Variants in LIN7A observed in about 807,000 individuals in gnomAD.
LIN7A encodes the protein lin-7 cell polarity scaffold A.
Under a neutral mutation model 29.8 loss-of-function variants are expected in LIN7A, and 25 were observed. The ratio of observed to expected loss-of-function variants is 0.84; its 90% CI spans 0.61 to 1.17. LIN7A has a LOEUF of 1.17. Among genes scored for constraint, LIN7A ranks in the 50% most tolerant of loss-of-function variants. The probability of loss-of-function intolerance (pLI) is 0.00; values close to 1 mark genes in which losing one functional copy is unlikely to be tolerated. For synonymous variants in LIN7A, 118 were observed against 107.5 expected (o/e 1.10, Z -0.60); for missense variants, 239 against 287.0 (o/e 0.83, Z 1.21).
At position 80,811,451 on chromosome 12, in the gene LIN7A, A is replaced by C. The variant is rs1375529357; in HGVS notation, c.*14T>G. 1 of 945,184 alleles carries C rather than the reference A, an allele frequency of 1.1e-6. No individual in the cohort carries two copies. The highest frequency in any genetic ancestry group is 1.4e-5 in the South Asian group (1 of 72,380). The allele number at this position is 945,184 out of a possible 1,614,324, so 58.5% of individuals were successfully genotyped here. On this transcript the variant is annotated intron_variant, in intron 5 of 5. Coordinates refer to ENST00000552864, the MANE Select transcript of LIN7A (RefSeq NM_004664.4). ...TATATATATACTCCTTGTATAGAATAAGTCACTTCTCACCTATGACATGTG... is the reference window on the plus strand; with the variant it reads ...TATATATATACTCCTTGTATAGAATCAGTCACTTCTCACCTATGACATGTG...
chr12:80,886,947 C>T (rs559470032), intron 2 of LIN7A, among the ~76,000 whole-genome samples: 2 of 152,190 alleles, frequency 1.3e-5, no homozygotes, highest in African/African-American at 4.8e-5. Context: ...GACCCAACTT[C>T]TCCCCCAGCC....
At chr12:80,923,429 ACTGT>A (rs1399458076) in intron 1 of LIN7A, among the ~76,000 whole-genome samples, 1 of 152,018 alleles carries the variant, frequency 6.6e-6, no homozygotes, top group Non-Finnish European at 1.5e-5. Context: ...TGCCTAATAC[ACTGT>A]CTATGGGTAT....
intron 4 of LIN7A, among the ~76,000 whole-genome samples, chr12:80,821,290 A>G (rs1396564019): frequency 1.3e-5 from 2 of 152,192 alleles, no homozygotes; most frequent in African/African-American, 2.4e-5. Flanking sequence ...TAGCACTGAA[A>G]GTCCCAGGAA....
At chr12:80,829,030 A>G (rs975978357) in intron 4 of LIN7A, among the ~76,000 whole-genome samples, 19 of 152,222 alleles carry the variant, frequency 1.2e-4, no homozygotes, top group Admixed American at 1.3e-4. Flanking sequence ...TTTAAATACA[A>G]TAGCCCAGTA....
intron 4 of LIN7A, among the ~76,000 whole-genome samples, chr12:80,823,544 G>T (rs745509151): frequency 5.8e-4 from 88 of 152,316 alleles, no homozygotes; most frequent in East Asian, 5.8e-4. Flanking sequence ...ATGCTCACTT[G>T]CTCACACACT....
chr12:80,857,159 G>A (rs189184928), intron 2 of LIN7A, among the ~76,000 whole-genome samples: 4 of 152,248 alleles, frequency 2.6e-5, no homozygotes, highest in East Asian at 1.9e-4. Context: ...GCTTGGAGCC[G>A]ATACAGCTAG....
At chr12:80,877,422 T>C (rs1163058743) in intron 2 of LIN7A, among the ~76,000 whole-genome samples, 1 of 152,098 alleles carries the variant, frequency 6.6e-6, no homozygotes, top group Admixed American at 6.6e-5. Flanking sequence ...AAGAGAACAT[T>C]CCCCAAATAT....
chr12:80,937,541 C>T, intron 1 of LIN7A, 100 bp downstream of exon 1: 1 of 836,672 alleles, frequency 1.2e-6, no homozygotes, highest in Non-Finnish European at 1.7e-6. Context: ...CCCTTCTCCT[C>T]CTGCCTGAGC....
chr12:80,811,572 G>A lies in LIN7A; in HGVS notation c.595C>T (p.Arg199Cys), dbSNP rs768577946. 2.5e-6 allele frequency: 4 copies of A among 1,614,058 alleles called. No individual in the cohort carries two copies. The highest frequency in any genetic ancestry group is 1.7e-5 in the Admixed American group (1 of 60,012). ...CTGGCTGTTCGTAGCTTTTCAAAGC[G>A]AGCCTCCATTTCTTCCAGAACTTTT... ...TPKVLEEMEA[R>C]FEKLRTARRR... The change falls in exon 5 of 6, where the codon CGC becomes TGC. Residue 199 changes from arginine (R) to cysteine (C), a missense_variant. Physicochemically the swap from Arg to Cys is radical, Grantham distance 180. Transcript: ENST00000552864.
At chr12:80,813,675 A>G (rs982865225) in intron 4 of LIN7A, among the ~76,000 whole-genome samples, 7 of 152,150 alleles carry the variant, frequency 4.6e-5, no homozygotes, top group Admixed American at 3.3e-4. Context: ...TTTTTTCCCA[A>G]TCTTCTGAAG....
intron 4 of LIN7A, among the ~76,000 whole-genome samples, chr12:80,844,851 C>T (rs1485430548): frequency 6.6e-6 from 1 of 151,978 alleles, no homozygotes; most frequent in Non-Finnish European, 1.5e-5. Context: ...CATTTAAAAA[C>T]GAAAGCATAT....
intron 5 of LIN7A, among the ~76,000 whole-genome samples, chr12:80,809,694 G>A (rs1311403301): frequency 2.0e-5 from 3 of 152,104 alleles, no homozygotes; most frequent in Non-Finnish European, 2.9e-5. Flanking sequence ...AATGTGATAA[G>A]GGCATAGGGC....
intron 2 of LIN7A, among the ~76,000 whole-genome samples, chr12:80,886,088 C>T (rs1875310828): frequency 6.6e-6 from 1 of 152,006 alleles, no homozygotes; most frequent in South Asian, 2.1e-4. Flanking sequence ...CTCTGTTTTG[C>T]ATGACAACAT....
At chr12:80,827,626 G>C (rs999926943) in intron 4 of LIN7A, among the ~76,000 whole-genome samples, 1 of 151,914 alleles carries the variant, frequency 6.6e-6, no homozygotes, top group African/African-American at 2.4e-5. Context: ...CTTCAACATA[G>C]AAGCAACACT....
chr12:80,799,360 G>A (rs1870607574), intron 5 of LIN7A, among the ~76,000 whole-genome samples: 1 of 152,086 alleles, frequency 6.6e-6, no homozygotes, highest in African/African-American at 2.4e-5. Context: ...CATTGTGGTA[G>A]GCAGAATAGT....
chr12:80,888,636 T>G (rs1430181317), intron 2 of LIN7A, among the ~76,000 whole-genome samples: 1 of 152,112 alleles, frequency 6.6e-6, no homozygotes, highest in Non-Finnish European at 1.5e-5. Flanking sequence ...AGCTTGTAGA[T>G]CTCAAGTGGC....
chr12:80,925,534 A>G (rs1417727362), intron 1 of LIN7A, among the ~76,000 whole-genome samples: 1 of 152,210 alleles, frequency 6.6e-6, no homozygotes, highest in East Asian at 1.9e-4. Flanking sequence ...GGCCTGTTCT[A>G]TGTGCTTTAC....
At chr12:80,838,770 T>C (rs1298117315) in intron 4 of LIN7A, among the ~76,000 whole-genome samples, 1 of 152,190 alleles carries the variant, frequency 6.6e-6, no homozygotes, top group African/African-American at 2.4e-5. Context: ...AAGCTGGGGA[T>C]CTGTGTGCCA....
intron 5 of LIN7A, among the ~76,000 whole-genome samples, chr12:80,805,763 G>C (rs1870944938): frequency 6.6e-6 from 1 of 152,004 alleles, no homozygotes; most frequent in Non-Finnish European, 1.5e-5. Context: ...TTCCCGTGTT[G>C]TGGAAGGGAC....
Sources: allele counts gnomAD v4.1 joint callset (sites outside exome capture counted in the v4.1 genomes callset), GRCh38; gene constraint gnomAD v4.1.1; transcripts MANE v1.5; gene names NCBI Gene and HGNC (gene_info 2026-07-23, HGNC 2026-07-21).